The following RUBCN variants were observed in gnomAD, a reference collection of about 807,000 sequenced individuals.
The protein encoded by RUBCN is run domain Beclin-1-interacting and cysteine-rich domain-containing protein.
Under a neutral mutation model 113.2 loss-of-function variants are expected in RUBCN, and 74 were observed. That is an observed-to-expected ratio of 0.65 (90% CI 0.54 to 0.79). The LOEUF (loss-of-function observed/expected upper bound fraction) is 0.79, where lower values mean the gene tolerates loss of function less well. Ranked by LOEUF, RUBCN falls within the 30% of genes least tolerant of loss-of-function variation. RUBCN has a pLI of 0.00. For missense variants in RUBCN, 1,109 were observed against 1,251.7 expected, an observed-to-expected ratio of 0.89 and a Z score of 1.72; for synonymous variants, 480 against 490.0, an observed-to-expected ratio of 0.98 and a Z score of 0.27.
rs1192465388 is a variant in RUBCN, at chr3:197,674,774, T to A, written c.*244A>T. 1.3e-5 allele frequency: 7 copies of A among 526,756 alleles called. No individual in the cohort carries two copies. The highest frequency in any genetic ancestry group is 9.8e-5 in the African/African-American group (5 of 50,846). The allele number at this position is 526,756 out of a possible 1,614,324, so 32.6% of individuals were successfully genotyped here. On this transcript the variant is annotated 3_prime_UTR_variant, in exon 20 of 20. Coordinates refer to ENST00000296343, the MANE Select transcript of RUBCN (RefSeq NM_014687.4). The stretch of plus-strand genomic sequence containing the variant: ...GAAGCTTCACTGAAGGACCCGCATG[T>A]CAGTTCTGATGGAAACACCTGGTGT...
At chr3:197,680,712 C>T (rs1488492979) in intron 16 of RUBCN, among the ~76,000 whole-genome samples, 2 of 152,166 alleles carry the variant, frequency 1.3e-5, no homozygotes, top group Non-Finnish European at 2.9e-5. Flanking sequence ...AGGAGTGCTC[C>T]GAAATTCCAA....
At chr3:197,691,992 G>A (rs1255452342) in intron 11 of RUBCN, among the ~76,000 whole-genome samples, 1 of 151,968 alleles carries the variant, frequency 6.6e-6, no homozygotes, top group East Asian at 1.9e-4. Flanking sequence ...TCATACCTGA[G>A]TTTATGCTAA....
chr3:197,704,300 G>A (rs1214589367), intron 4 of RUBCN, among the ~76,000 whole-genome samples: 1 of 152,202 alleles, frequency 6.6e-6, no homozygotes, highest in East Asian at 1.9e-4. Context: ...TGGGCATGGT[G>A]GCACATGCCT....
At chr3:197,696,808 G>A (rs944927153) in intron 8 of RUBCN, 146 bp downstream of exon 8, 3 of 632,454 alleles carry the variant, frequency 4.7e-6, no homozygotes, top group Non-Finnish European at 8.7e-6. Flanking sequence ...TAGCACGGGG[G>A]TTAAAAATGA....
chr3:197,687,574 G>C (rs1423416937), intron 11 of RUBCN, among the ~76,000 whole-genome samples: 1 of 152,218 alleles, frequency 6.6e-6, no homozygotes, highest in Non-Finnish European at 1.5e-5. Flanking sequence ...GGCTCTGGTT[G>C]CTCCTCTAAG....
intron 7 of RUBCN, chr3:197,699,221 C>T: frequency 1.9e-6 from 3 of 1,549,436 alleles, no homozygotes; most frequent in Non-Finnish European, 2.6e-6. Flanking sequence ...TGGTGATATT[C>T]CTGGGGCCTC....
chr3:197,719,476 CAA>C (rs369029082), intron 1 of RUBCN, among the ~76,000 whole-genome samples: 3 of 54,254 alleles, frequency 5.5e-5, no homozygotes, highest in South Asian at 6.8e-4. Flanking sequence ...GAGATTGTCT[CAA>C]AAAAAAAAAA....
At chr3:197,676,169 A>T (rs945181408) in intron 18 of RUBCN, 1 of 989,678 alleles carries the variant, frequency 1.0e-6, no homozygotes, top group African/African-American at 1.7e-5. Flanking sequence ...TACTGAGAAG[A>T]AAGTAAATTA....
chr3:197,691,158 AATG>A (rs1415604040), intron 11 of RUBCN: 19 of 1,256,194 alleles, frequency 1.5e-5, no homozygotes, highest in Middle Eastern at 4.3e-4. Context: ...TCTGTGTAAT[AATG>A]ATGATAAAAG....
At chr3:197,677,092 CG>C (rs1580139156) in intron 17 of RUBCN, 54 bp from the exon 18 acceptor site, 7 of 1,549,830 alleles carry the variant, frequency 4.5e-6, no homozygotes, top group Middle Eastern at 2.3e-4. Flanking sequence ...TGTGCCACAT[CG>C]TAGTAGAAGG....
At chr3:197,704,515 TGA>T in intron 4 of RUBCN, 25 bp downstream of exon 4, 1 of 1,608,752 alleles carries the variant, frequency 6.2e-7, no homozygotes, top group Non-Finnish European at 8.5e-7. Flanking sequence ...GAAGCACAGA[TGA>T]CAGTCCTAAG....
Position 197,721,922 on chromosome 3 carries a change from T to C in RUBCN, c.66-3792A>G, listed in dbSNP as rs114712670. On this transcript the variant is annotated intron_variant, in intron 1 of 19. Transcript: ENST00000296343. ...AGTTGTTCTTGTTATTGATTTCTAG[T>C]TGTATTGCACTGTAGTCACAAAAGA... Among the ~76,000 whole-genome samples, 278 of 152,228 alleles carry C rather than the reference T, an allele frequency of 1.8e-3. 2 individuals are homozygous for C. Among genetic ancestry groups the C allele is most frequent in the African/African-American group, 6.5e-3 (269 of 41,550 alleles).
chr3:197,723,806 C>T (rs971043500), intron 1 of RUBCN, among the ~76,000 whole-genome samples: 7 of 152,098 alleles, frequency 4.6e-5, no homozygotes, highest in African/African-American at 1.7e-4. Context: ...ATAAAATATC[C>T]TTTCCCAGCC....
rs929599049 is a variant in RUBCN, at chr3:197,674,332, G to A, written c.*686C>T. ...TTGCTTCAAGATCACCAAGGTAGAT[G>A]AAGAAAGTCAGCTTGTGGCATCCTC... On this transcript the variant is annotated 3_prime_UTR_variant, in exon 20 of 20. Transcript: ENST00000296343. 4.7e-6 allele frequency: 1 copy of A among 213,462 alleles called. No individual in the cohort carries two copies. The highest frequency in any genetic ancestry group is 2.3e-5 in the African/African-American group (1 of 42,678). The allele number at this position is 213,462 out of a possible 1,614,324, so 13.2% of individuals were successfully genotyped here. A position where few individuals can be genotyped will look rare whatever the true frequency, so the allele number is the denominator to read the frequency against.
intron 11 of RUBCN, 38 bp downstream of exon 11, chr3:197,693,677 G>C: frequency 7.5e-7 from 1 of 1,330,262 alleles, no homozygotes; most frequent in Non-Finnish European, 1.1e-6. Flanking sequence ...GAAAGAAACA[G>C]AATAAAAGTT....
Position 197,676,982 on chromosome 3 carries a change from T to A in RUBCN, c.2549A>T (p.Tyr850Phe). ...PGHLTEDLHL[Y>F]SLNDLTATRK... Reference sequence around the variant, plus strand: ...GGTCGCAGTCAGGTCATTCAGTGAGTACAGGTGGAGGTCCTCTGTCAGGTG... The same window carrying A: ...GGTCGCAGTCAGGTCATTCAGTGAGAACAGGTGGAGGTCCTCTGTCAGGTG... Residue 850 changes from tyrosine to phenylalanine, a missense_variant, in exon 18 of 20, where the codon TAC becomes TTC. Transcript: ENST00000296343. The A allele has an allele frequency of 6.2e-7, 1 of 1,614,052 alleles. No individual in the cohort carries two copies. Among genetic ancestry groups the A allele is most frequent in the Non-Finnish European group, 8.5e-7 (1 of 1,179,998 alleles).
At chr3:197,687,112 T>C (rs945892658) in intron 11 of RUBCN, among the ~76,000 whole-genome samples, 7 of 152,360 alleles carry the variant, frequency 4.6e-5, no homozygotes, top group South Asian at 4.1e-4. Context: ...CAGAATGTAC[T>C]GGCCAGTTTG....
rs538666218 is a variant in RUBCN at position 197,732,663 on chromosome 3, C to T, written c.65+3992G>A. Among the ~76,000 whole-genome samples the T allele has an allele frequency of 6.1e-4, 93 of 152,224 alleles. 1 individual carries two copies. Among genetic ancestry groups the T allele is most frequent in the African/African-American group, 2.1e-3 (89 of 41,518 alleles). ...CTCAAAATAACTGGCATTTAGGAAA[C>T]GGAGGGAAAGTGAAGTATCATCCCT... On this transcript the variant is annotated intron_variant, in intron 1 of 19. Coordinates refer to ENST00000296343, the MANE Select transcript of RUBCN (RefSeq NM_014687.4).
At position 197,701,119 on chromosome 3, in the gene RUBCN, G is replaced by A. The variant is rs1723612874; in HGVS notation, c.755C>T (p.Ser252Phe). ...TTCTTGAGGTTTCCGGGGAGGGCCA[G>A]AGAGTGGAAAGGAAGTAGATCTTCT... ...SERRSTSFPL[S>F]GPPRKPQESR... Residue 252 changes from serine to phenylalanine, a missense_variant, in exon 7 of 20, where the codon TCT becomes TTT. Ser to Phe is a radical substitution (Grantham distance 155, BLOSUM62 -2). Coordinates refer to ENST00000296343, the MANE Select transcript of RUBCN (RefSeq NM_014687.4). 1 of 1,567,940 alleles carries A rather than the reference G, an allele frequency of 6.4e-7. No individual in the cohort carries two copies. Among genetic ancestry groups the A allele is most frequent in the Non-Finnish European group, 8.6e-7 (1 of 1,157,040 alleles).
Sources: allele counts gnomAD v4.1 joint callset (sites outside exome capture counted in the v4.1 genomes callset), GRCh38; gene constraint gnomAD v4.1.1; transcripts MANE v1.5; gene names NCBI Gene and HGNC (gene_info 2026-07-23, HGNC 2026-07-21).